Variants in RAPGEF6 observed in about 807,000 individuals in gnomAD.
RAPGEF6 encodes PDZ domain containing guanine nucleotide exchange factor (GEF) 2.
Under a neutral mutation model 171.4 loss-of-function variants are expected in RAPGEF6, and 56 were observed. That is an observed-to-expected ratio of 0.33 (90% CI 0.26 to 0.41). The LOEUF (loss-of-function observed/expected upper bound fraction) is 0.41. Ranked by LOEUF, RAPGEF6 falls within the 10% of genes least tolerant of loss-of-function variation. The probability of loss-of-function intolerance (pLI) is 1.00; values close to 1 mark genes in which losing one functional copy is unlikely to be tolerated. For synonymous variants in RAPGEF6, 692 were observed against 650.1 expected, an observed-to-expected ratio of 1.06 and a Z score of -0.98; for missense variants, 1,674 against 1,921.4, an observed-to-expected ratio of 0.87 and a Z score of 2.41.
At chr5:131,634,047 G>A (rs1282495072) in intron 1 of RAPGEF6, among the ~76,000 whole-genome samples, 1 of 152,236 alleles carries the variant, frequency 6.6e-6, no homozygotes, top group African/African-American at 2.4e-5. Context: ...CGACCCAAAA[G>A]GTCAGCCCAA....
At chr5:131,588,389 G>C (rs1170881904) in intron 4 of RAPGEF6, among the ~76,000 whole-genome samples, 1 of 152,164 alleles carries the variant, frequency 6.6e-6, no homozygotes, top group Non-Finnish European at 1.5e-5. Flanking sequence ...CTGGAACTTA[G>C]GCCATTCTCT....
intron 7 of RAPGEF6, among the ~76,000 whole-genome samples, chr5:131,516,583 G>A (rs1489347867): frequency 6.6e-6 from 1 of 152,098 alleles, no homozygotes; most frequent in African/African-American, 2.4e-5. Context: ...ATGTGTGTCT[G>A]GAGTTGTTTA....
At chr5:131,450,056 A>G (rs1004228154) in intron 21 of RAPGEF6, 7 of 1,542,248 alleles carry the variant, frequency 4.5e-6, no homozygotes, top group Non-Finnish European at 6.1e-6. Context: ...CCTGTAAGCA[A>G]GAGCCACAAA....
intron 24 of RAPGEF6, among the ~76,000 whole-genome samples, chr5:131,437,044 T>C (rs943533310): frequency 2.6e-5 from 4 of 152,188 alleles, no homozygotes; most frequent in Admixed American, 2.0e-4. Context: ...ATCCTAATAA[T>C]TTACTCTGAG....
At chr5:131,498,726 T>G (rs1010464106) in intron 11 of RAPGEF6, 119 bp from the exon 12 acceptor site, 1 of 951,748 alleles carries the variant, frequency 1.1e-6, no homozygotes, top group African/African-American at 1.7e-5. Flanking sequence ...AAGTACAGTT[T>G]CGCCTTTAAA....
intron 4 of RAPGEF6, among the ~76,000 whole-genome samples, chr5:131,571,504 T>A (rs548520671): frequency 3.3e-5 from 5 of 152,212 alleles, no homozygotes; most frequent in African/African-American, 1.2e-4. Flanking sequence ...GGTTGCAAGA[T>A]GTAAGATCAG....
chr5:131,485,431 A>C (rs1354122927), intron 15 of RAPGEF6, among the ~76,000 whole-genome samples: 1 of 152,192 alleles, frequency 6.6e-6, no homozygotes, highest in Admixed American at 6.6e-5. Flanking sequence ...CACTTGCATG[A>C]AAACTAGAAT....
In RAPGEF6 at chr5:131,483,934, A is replaced by G. The variant is rs184434814; in HGVS notation, c.1841-4181T>C. Among the ~76,000 whole-genome samples, 716 of 151,894 alleles carry G rather than the reference A, an allele frequency of 4.7e-3. 32 individuals carry two copies. The highest frequency in any genetic ancestry group is 0.043 in the Admixed American group (663 of 15,252). ...GCTAACACAGTGAAACCCCGTCTCT[A>G]CTAAAGAATACAAAAAATTAGCATG... On this transcript the variant is annotated intron_variant, in intron 15 of 27. Coordinates refer to ENST00000509018, the MANE Select transcript of RAPGEF6 (RefSeq NM_016340.6).
rs1764658639 is a variant in RAPGEF6 at position 131,607,249 on chromosome 5, C to CAG, written c.70-2557_70-2556insCT. Among the ~76,000 whole-genome samples the CAG allele has an allele frequency of 2.0e-5, 3 of 152,242 alleles. No individual in the cohort carries two copies. The East Asian group carries it at 5.8e-4, about 29-fold the overall frequency. On this transcript the variant is annotated intron_variant, in intron 1 of 27. Coordinates refer to ENST00000509018, the MANE Select transcript of RAPGEF6 (RefSeq NM_016340.6). ...GGGCACAGAATAAAGACTAGTGCCA[C>CAG]CAGTAAAGACTCAGAAGTACGCAGA...
At chr5:131,528,103 A>G (rs1392892998) in intron 6 of RAPGEF6, among the ~76,000 whole-genome samples, 10 of 128,466 alleles carry the variant, frequency 7.8e-5, no homozygotes, top group Non-Finnish European at 1.4e-4. Flanking sequence ...ATAAATTTAT[A>G]TATTATATAT....
chr5:131,436,054 T>A, intron 24 of RAPGEF6: 1 of 1,537,568 alleles, frequency 6.5e-7, no homozygotes, highest in Non-Finnish European at 8.7e-7. Flanking sequence ...CCCTTTCTCA[T>A]CTTTGATGTT....
intron 5 of RAPGEF6, among the ~76,000 whole-genome samples, chr5:131,549,436 A>G (rs1323297508): frequency 2.0e-5 from 3 of 152,220 alleles, no homozygotes; most frequent in African/African-American, 7.2e-5. Flanking sequence ...AGACAGTACC[A>G]AATTCTATAT....
chr5:131,446,534 C>G lies in RAPGEF6; in HGVS notation c.3370G>C (p.Glu1124Gln), dbSNP rs1397742326. Residue 1124 changes from glutamate (E) to glutamine (Q), a missense_variant, in exon 22 of 28, where the codon GAG (glutamate) becomes CAG (glutamine). Around this residue, in one of 3 missense-constraint regions of RAPGEF6, gnomAD observed 552 missense variants for 574.2 expected, o/e 0.96. Transcript: ENST00000509018. ...YLSSLDVETD[E>Q]EKFQMMSLQW... is the part of the protein sequence containing the mutation. ...AATGACATCATCTGGAACTTCTCCT[C>G]ATCTGTCTCTACATCGAGACTGGAA... 1 of 1,614,128 alleles carries G rather than the reference C, an allele frequency of 6.2e-7. No homozygotes were observed. Among genetic ancestry groups the G allele is most frequent in the Non-Finnish European group, 8.5e-7 (1 of 1,180,036 alleles).
chr5:131,468,792 G>T (rs1754551456), intron 17 of RAPGEF6, among the ~76,000 whole-genome samples: 1 of 152,132 alleles, frequency 6.6e-6, no homozygotes, highest in African/African-American at 2.4e-5. Flanking sequence ...GTAAGGAAGA[G>T]AATTCATACA....
chr5:131,625,520 A>G (rs1326590887), intron 1 of RAPGEF6, among the ~76,000 whole-genome samples: 1 of 151,920 alleles, frequency 6.6e-6, no homozygotes, highest in African/African-American at 2.4e-5. Flanking sequence ...TAACAACAAA[A>G]CATACTTCTT....
intron 11 of RAPGEF6, 63 bp downstream of exon 11, chr5:131,504,563 C>A: frequency 2.1e-6 from 3 of 1,448,348 alleles, no homozygotes; most frequent in Non-Finnish European, 2.8e-6. Context: ...TGGTTTAAAA[C>A]AAGATGAAAG....
At chr5:131,541,949 C>T (rs1339563394) in intron 6 of RAPGEF6, among the ~76,000 whole-genome samples, 4 of 141,720 alleles carry the variant, frequency 2.8e-5, no homozygotes, top group Non-Finnish European at 4.6e-5. Flanking sequence ...TTCTCCATCT[C>T]ATTTGATTGG....
In RAPGEF6 at chr5:131,505,540, G is replaced by T; in HGVS notation, c.943-18C>A. On this transcript the variant is annotated intron_variant, in intron 9 of 27. Coordinates refer to ENST00000509018, the MANE Select transcript of RAPGEF6 (RefSeq NM_016340.6). The stretch of plus-strand genomic sequence containing the variant: ...GAGTCAAGCTATAGAGAAAAACAAA[G>T]GTTTTATGAATCTTTTTAAAAAAGG... 1 of 1,594,792 alleles carries T rather than the reference G, an allele frequency of 6.3e-7. No homozygotes were observed. The highest frequency in any genetic ancestry group is 8.5e-7 in the Non-Finnish European group (1 of 1,169,612).
chr5:131,503,641 G>C (rs533631076), intron 11 of RAPGEF6, among the ~76,000 whole-genome samples: 2 of 152,098 alleles, frequency 1.3e-5, no homozygotes, highest in African/African-American at 4.8e-5. Flanking sequence ...CAATAATTTC[G>C]CCAAGACTAG....
Sources: allele counts gnomAD v4.1 joint callset (sites outside exome capture counted in the v4.1 genomes callset), GRCh38; gene constraint gnomAD v4.1.1; regional missense constraint gnomAD v4.1.1; transcripts MANE v1.5; gene names NCBI Gene and HGNC (gene_info 2026-07-23, HGNC 2026-07-21).